AMN1: variants seen among roughly 807,000 people sequenced by gnomAD.
AMN1 encodes the protein protein AMN1 homolog.
In AMN1, 20 loss-of-function variants were observed where a neutral mutation model predicts 33.0. The ratio of observed to expected loss-of-function variants is 0.61; its 90% CI spans 0.43 to 0.88. The LOEUF (loss-of-function observed/expected upper bound fraction) is 0.88, where lower values mean the gene tolerates loss of function less well. AMN1 is among the 40% of genes least tolerant of loss of function. AMN1 has a pLI of 0.00. For missense variants in AMN1, 246 were observed against 307.4 expected, an observed-to-expected ratio of 0.80 and a Z score of 1.49; for synonymous variants, 114 against 111.9, an observed-to-expected ratio of 1.02 and a Z score of -0.12.
At chr12:31,718,460 C>T (rs1939763191) in intron 1 of AMN1, among the ~76,000 whole-genome samples, 1 of 152,078 alleles carries the variant, frequency 6.6e-6, no homozygotes, top group African/African-American at 2.4e-5. Flanking sequence ...CCCTTGCTGG[C>T]AAGGAGTTGT....
intron 1 of AMN1, among the ~76,000 whole-genome samples, chr12:31,720,756 A>G (rs1939854103): frequency 6.6e-6 from 1 of 152,206 alleles, no homozygotes; most frequent in Non-Finnish European, 1.5e-5. Context: ...ATTCCTTTTT[A>G]CAGCTGAATA....
At chr12:31,717,417 A>G (rs1939720611) in intron 1 of AMN1, among the ~76,000 whole-genome samples, 2 of 152,220 alleles carry the variant, frequency 1.3e-5, no homozygotes, top group South Asian at 2.1e-4. Flanking sequence ...TATGTGTGCA[A>G]TAAGCAAACA....
chr12:31,710,148 A>G lies in AMN1; in HGVS notation c.39-723T>C, dbSNP rs571994007. Among the ~76,000 whole-genome samples, 9 of 152,322 alleles carry G rather than the reference A, an allele frequency of 5.9e-5. 1 individual carries two copies. Among genetic ancestry groups the G allele is most frequent in the East Asian group, 5.8e-4 (3 of 5,182 alleles). ...TGGATAATGAAATCACTAGAGAAAGAACCATAACCACAAAGATTCAGCAAA... is the reference window on the plus strand; with the variant it reads ...TGGATAATGAAATCACTAGAGAAAGGACCATAACCACAAAGATTCAGCAAA... On this transcript the variant is annotated intron_variant, in intron 1 of 6. Coordinates refer to ENST00000281471, the MANE Select transcript of AMN1 (RefSeq NM_001113402.2).
chr12:31,691,133 G>A (rs1452164768), intron 5 of AMN1, among the ~76,000 whole-genome samples: 10 of 64,446 alleles, frequency 1.6e-4, no homozygotes, highest in African/African-American at 5.7e-4. Context: ...GCAAGACTCC[G>A]TCTCAAAAAA....
At chr12:31,713,133 T>G (rs1029944303) in intron 1 of AMN1, among the ~76,000 whole-genome samples, 1 of 152,212 alleles carries the variant, frequency 6.6e-6, no homozygotes, top group Non-Finnish European at 1.5e-5. Context: ...TTGTAAGAGC[T>G]CTTTGTTGTG....
chr12:31,711,507 C>A (rs1939464914), intron 1 of AMN1, among the ~76,000 whole-genome samples: 1 of 152,200 alleles, frequency 6.6e-6, no homozygotes, highest in Admixed American at 6.5e-5. Flanking sequence ...AACATCCTTG[C>A]ATGAGCTTGC....
At chr12:31,679,838 T>A (rs1937915205) in intron 6 of AMN1, among the ~76,000 whole-genome samples, 1 of 152,018 alleles carries the variant, frequency 6.6e-6, no homozygotes, top group South Asian at 2.1e-4. Flanking sequence ...CTTTAGTAAG[T>A]TTTAGGACAG....
In AMN1 at chr12:31,680,416, G is replaced by T. The variant is rs368577167; in HGVS notation, c.704-8039C>A. Among the ~76,000 whole-genome samples the T allele has an allele frequency of 5.5e-4, 83 of 152,172 alleles. No individual in the cohort carries two copies. The East Asian group carries it at 0.015, about 27-fold the overall frequency. ...GGGTTTCACCATGTTGGCCAAGCTG[G>T]TCTCAAACTCCTGACCTCAGGTGAT... On this transcript the variant is annotated intron_variant, in intron 6 of 6. Coordinates refer to ENST00000281471, the MANE Select transcript of AMN1 (RefSeq NM_001113402.2).
intron 6 of AMN1, among the ~76,000 whole-genome samples, chr12:31,680,344 G>T (rs1164717310): frequency 6.6e-6 from 1 of 151,720 alleles, no homozygotes; most frequent in Non-Finnish European, 1.5e-5. Context: ...GGGATTATAG[G>T]CACCCGTCAC....
chr12:31,717,803 A>G (rs778517518), intron 1 of AMN1, among the ~76,000 whole-genome samples: 3 of 151,946 alleles, frequency 2.0e-5, no homozygotes, highest in Non-Finnish European at 2.9e-5. Flanking sequence ...TGCTGCCCCT[A>G]TCAACCTGTC....
intron 1 of AMN1, among the ~76,000 whole-genome samples, chr12:31,720,029 T>G (rs889033279): frequency 6.6e-6 from 1 of 152,250 alleles, no homozygotes; most frequent in Non-Finnish European, 1.5e-5. Flanking sequence ...GTGAATATAC[T>G]ACATTTAATT....
In AMN1 at chr12:31,723,741, C is replaced by G. The variant is rs79411484; in HGVS notation, c.38+5230G>C. 7.9e-3 allele frequency among the ~76,000 whole-genome samples: 1,206 copies of G among 152,280 alleles called. 18 individuals are homozygous for G. The highest frequency in any genetic ancestry group is 0.028 in the African/African-American group (1,158 of 41,550). ...CTGCTTGTGTTCTACAATGGCAGAG[C>G]TGAGTAACTGTGTCAGAGGGTGTGT... is the stretch of plus-strand genomic sequence containing the variant. On this transcript the variant is annotated intron_variant, in intron 1 of 6. Transcript: ENST00000281471.
chr12:31,673,421 A>T lies in AMN1; in HGVS notation c.704-1044T>A, dbSNP rs903328238. 8 of 167,762 alleles carry T rather than the reference A, an allele frequency of 4.8e-5. No individual in the cohort carries two copies. The East Asian group carries it at 7.0e-4, about 15-fold the overall frequency. 10.4% of individuals were successfully genotyped at this position (167,762 alleles called of 1,614,324 possible). ...GGAAAACAAAGGTTTACAATTTTTT[A>T]AAAAAGCAGCTAGTAAGATAAATGC... On this transcript the variant is annotated intron_variant, in intron 6 of 6. Transcript: ENST00000281471.
intron 3 of AMN1, among the ~76,000 whole-genome samples, chr12:31,699,418 A>AG (rs1385852926): frequency 6.7e-6 from 1 of 149,380 alleles, no homozygotes; most frequent in African/African-American, 2.4e-5. Context: ...AAAAAAAAAA[A>AG]AAAGAAAGAA....
chr12:31,685,036 T>C (rs1412487005), intron 6 of AMN1, among the ~76,000 whole-genome samples: 1 of 151,350 alleles, frequency 6.6e-6, no homozygotes, highest in Admixed American at 6.6e-5. Context: ...TTATTATTTT[T>C]TTTTTTTTGA....
intron 5 of AMN1, among the ~76,000 whole-genome samples, chr12:31,690,545 T>G (rs1228390653): frequency 6.6e-6 from 1 of 152,224 alleles, no homozygotes; most frequent in Non-Finnish European, 1.5e-5. Context: ...GTTGGCCATT[T>G]GTATATCTTC....
intron 2 of AMN1, among the ~76,000 whole-genome samples, chr12:31,704,508 T>G (rs75194937): frequency 1.3e-5 from 2 of 148,658 alleles, no homozygotes; most frequent in East Asian, 3.9e-4. Flanking sequence ...TTTTTTTTTT[T>G]CTTCTTGCCA....
chr12:31,707,932 G>T (rs1029889511), intron 2 of AMN1, among the ~76,000 whole-genome samples: 3 of 152,122 alleles, frequency 2.0e-5, no homozygotes, highest in African/African-American at 7.2e-5. Context: ...AATTTCTTAT[G>T]CCTGTCTTTA....
intron 6 of AMN1, among the ~76,000 whole-genome samples, chr12:31,674,389 C>T (rs986242113): frequency 2.7e-5 from 4 of 150,190 alleles, no homozygotes; most frequent in African/African-American, 9.8e-5. Flanking sequence ...GCCTGGGTGA[C>T]AGAGTGAGAC....
Sources: allele counts gnomAD v4.1 joint callset (sites outside exome capture counted in the v4.1 genomes callset), GRCh38; gene constraint gnomAD v4.1.1; transcripts MANE v1.5; gene names NCBI Gene and HGNC (gene_info 2026-07-23, HGNC 2026-07-21).